GLG1: variants seen among roughly 807,000 people sequenced by gnomAD.
The protein encoded by GLG1 is Golgi apparatus protein 1.
In GLG1, 38 loss-of-function variants were observed where a neutral mutation model predicts 160.5. The observed-to-expected ratio is 0.24, with a 90% CI of 0.18 to 0.31. GLG1 has a LOEUF of 0.31. GLG1 is among the 10% of genes least tolerant of loss of function. GLG1 has a pLI of 1.00. For synonymous variants in GLG1, 644 were observed against 543.4 expected (o/e 1.19, Z -2.57); for missense variants, 1,373 against 1,505.2 (o/e 0.91, Z 1.45).
At chr16:74,574,996 T>C (rs2018953573) in intron 1 of GLG1, among the ~76,000 whole-genome samples, 1 of 17,618 alleles carries the variant, frequency 5.7e-5, no homozygotes, top group African/African-American at 2.5e-4. Flanking sequence ...ATCCTAGCAC[T>C]TTGGGAGGCC....
At chr16:74,510,858 T>C (rs572392056) in intron 2 of GLG1, among the ~76,000 whole-genome samples, 2 of 152,154 alleles carry the variant, frequency 1.3e-5, no homozygotes, top group African/African-American at 4.8e-5. Context: ...CACAGCAGTA[T>C]AGGGGAGGAA....
chr16:74,588,696 G>C (rs748993918), intron 1 of GLG1, among the ~76,000 whole-genome samples: 8 of 152,072 alleles, frequency 5.3e-5, no homozygotes, highest in Non-Finnish European at 1.2e-4. Flanking sequence ...TCGGATTACA[G>C]ACATGAGCCA....
chr16:74,539,430 T>C (rs548334396), intron 1 of GLG1, among the ~76,000 whole-genome samples: 61 of 151,628 alleles, frequency 4.0e-4, no homozygotes, highest in Admixed American at 7.2e-4. Context: ...GAGTGGGCTA[T>C]GTTGACGTTA....
At chr16:74,473,436 C>CTT (rs1398094170) in intron 13 of GLG1, among the ~76,000 whole-genome samples, 3 of 60,508 alleles carry the variant, frequency 5.0e-5, no homozygotes, top group Non-Finnish European at 7.0e-5. Flanking sequence ...ATGGTCTTGA[C>CTT]CTTTTTTTTT....
At position 74,560,464 on chromosome 16, in the gene GLG1, C is replaced by A. The variant is rs144847477; in HGVS notation, c.439-28311G>T. On this transcript the variant is annotated intron_variant, in intron 1 of 25. Coordinates refer to ENST00000422840, the MANE Select transcript of GLG1 (RefSeq NM_001145667.2). ...CACCTCAGCCTCCCCCCGCCGCCCC[C>A]CTGCCCCCGCAGTAACTAGTAACTT... Among the ~76,000 whole-genome samples, 959 of 151,968 alleles carry A rather than the reference C, an allele frequency of 6.3e-3. 3 individuals carry two copies. Among genetic ancestry groups the A allele is most frequent in the Middle Eastern group, 0.01 (3 of 294 alleles).
chr16:74,529,483 T>C, intron 2 of GLG1, among the ~76,000 whole-genome samples: 1 of 152,168 alleles, frequency 6.6e-6, no homozygotes, highest in Non-Finnish European at 1.5e-5. Context: ...GAAAATATTT[T>C]ATTTTCCTCT....
chr16:74,467,655 T>C (rs1184812020), intron 18 of GLG1, 101 bp downstream of exon 18: 1 of 775,422 alleles, frequency 1.3e-6, no homozygotes, highest in East Asian at 2.5e-5. Flanking sequence ...AGCAAAAAAT[T>C]CATGACTAAA....
In GLG1 at chr16:74,527,712, C is replaced by T. The variant is rs530725600; in HGVS notation, c.471+4409G>A. On this transcript the variant is annotated intron_variant, in intron 2 of 25. Coordinates refer to ENST00000422840, the MANE Select transcript of GLG1 (RefSeq NM_001145667.2). ...GTGGGAGATGAATATTCTCAGCTTT[C>T]GCTTGTCTGATAACACCTATTTTAT... Among the ~76,000 whole-genome samples the T allele has an allele frequency of 3.1e-3, 469 of 152,112 alleles. 5 individuals carry two copies. Among genetic ancestry groups the T allele is most frequent in the Non-Finnish European group, 5.2e-3 (356 of 68,004 alleles).
rs561216042 is a variant in GLG1 at position 74,477,662 on chromosome 16, A to G, written c.1828-129T>C. ...TTATCTCCCAAATTTTATACCTCAA[A>G]TATCTTCCAGAATAAAAATTAAATG... On this transcript the variant is annotated intron_variant, in intron 11 of 25. Transcript: ENST00000422840. 2.5e-3 allele frequency: 1,645 copies of G among 670,732 alleles called. 4 individuals carry two copies. Among genetic ancestry groups the G allele is most frequent in the Non-Finnish European group, 3.6e-3 (1,454 of 403,456 alleles). The allele number at this position is 670,732 out of a possible 1,614,324, so 41.5% of individuals were successfully genotyped here.
chr16:74,547,422 CAA>C (rs1455976014), intron 1 of GLG1, among the ~76,000 whole-genome samples: 1 of 151,964 alleles, frequency 6.6e-6, no homozygotes, highest in Non-Finnish European at 1.5e-5. Flanking sequence ...TCAGACACAA[CAA>C]AAGTGTCTTG....
At chr16:74,463,158 T>C (rs1241009731) in intron 20 of GLG1, 198 bp downstream of exon 20, 1 of 572,578 alleles carries the variant, frequency 1.7e-6, no homozygotes, top group Non-Finnish European at 3.0e-6. Flanking sequence ...TTCTGGTTCT[T>C]GTGGCCTCCT....
At chr16:74,457,362 A>G (rs918060390) in intron 24 of GLG1, among the ~76,000 whole-genome samples, 3 of 152,112 alleles carry the variant, frequency 2.0e-5, no homozygotes, top group Non-Finnish European at 2.9e-5. Context: ...ATGCCACCAC[A>G]CTCCAGCCTG....
intron 7 of GLG1, among the ~76,000 whole-genome samples, chr16:74,491,918 C>T (rs952370747): frequency 3.3e-5 from 5 of 151,080 alleles, no homozygotes; most frequent in South Asian, 2.1e-4. Context: ...TGAGCCACCG[C>T]GCCTGGCCAG....
intron 4 of GLG1, among the ~76,000 whole-genome samples, chr16:74,500,461 C>A (rs929035734): frequency 2.0e-5 from 3 of 150,882 alleles, no homozygotes; most frequent in Non-Finnish European, 3.0e-5. Flanking sequence ...ACAACAACGG[C>A]CCCCACAAAA....
chr16:74,479,459 AAAAC>A, intron 11 of GLG1, among the ~76,000 whole-genome samples: 1 of 151,914 alleles, frequency 6.6e-6, no homozygotes, highest in African/African-American at 2.4e-5. Context: ...AAAAAAAAAA[AAAAC>A]AAATTCCCAC....
At chr16:74,462,424 G>A (rs1486207155) in intron 21 of GLG1, 64 bp downstream of exon 21, 11 of 1,482,694 alleles carry the variant, frequency 7.4e-6, no homozygotes, top group African/African-American at 1.4e-5. Context: ...GATTTCAAAA[G>A]AGAAAATTCC....
At chr16:74,502,722 G>GTTTTTTTT (rs745410150) in intron 4 of GLG1, among the ~76,000 whole-genome samples, 104 of 109,502 alleles carry the variant, frequency 9.5e-4, no homozygotes, top group African/African-American at 1.1e-3. Flanking sequence ...TTTGTTTTTG[G>GTTTTTTTT]TTTTTTTTTT....
chr16:74,464,446 T>C (rs2014925475), intron 19 of GLG1, among the ~76,000 whole-genome samples: 1 of 152,236 alleles, frequency 6.6e-6, no homozygotes, highest in Admixed American at 6.5e-5. Flanking sequence ...GGATCAGCTG[T>C]GGACTAGTAA....
In GLG1 at chr16:74,519,336, G is replaced by A. The variant is rs562731459; in HGVS notation, c.472-10411C>T. Among the ~76,000 whole-genome samples, 4 of 151,996 alleles carry A rather than the reference G, an allele frequency of 2.6e-5. No individual in the cohort carries two copies. In the South Asian group the frequency reaches 8.3e-4, roughly 32 times the overall value. ...AACATCACACACTGGGGCCTTTTGG[G>A]GGTGGGGGGCTAGGGGAGGGATAAC... On this transcript the variant is annotated intron_variant, in intron 2 of 25. Coordinates refer to ENST00000422840, the MANE Select transcript of GLG1 (RefSeq NM_001145667.2).
Sources: gnomAD v4.1 joint callset for allele counts (sites outside exome capture counted in the v4.1 genomes callset) on GRCh38, gnomAD v4.1.1 for gene constraint, MANE v1.5 for transcripts, NCBI Gene and HGNC (gene_info 2026-07-23, HGNC 2026-07-21) for gene names.